Variants in GET4 observed in about 807,000 individuals in gnomAD.
GET4 encodes the protein Golgi to ER traffic protein 4 homolog.
Under a neutral mutation model 40.0 loss-of-function variants are expected in GET4, and 20 were observed. The ratio of observed to expected loss-of-function variants is 0.50; its 90% confidence interval spans 0.35 to 0.73. The LOEUF (loss-of-function observed/expected upper bound fraction) is 0.73. Among genes scored for constraint, GET4 ranks in the 30% least tolerant of loss-of-function variants. The pLI is 0.01. For synonymous variants in GET4, 280 were observed against 194.6 expected (o/e 1.44, Z -3.65); for missense variants, 557 against 454.0 (o/e 1.23, Z -2.06).
chr7:891,184 T>C, intron 5 of GET4, 118 bp downstream of exon 5: 1 of 740,332 alleles, frequency 1.4e-6, no homozygotes, highest in Non-Finnish European at 2.2e-6. Flanking sequence ...GAGTTCACTC[T>C]GGGCAGAGCC....
At chr7:895,226 T>C (rs1844450910) in intron 8 of GET4, 108 bp from the exon 9 acceptor site, 2 of 617,000 alleles carry the variant, frequency 3.2e-6, no homozygotes, top group Non-Finnish European at 5.9e-6. Context: ...GGCTTTTGCT[T>C]GTTCCATGGG....
At chr7:891,247 TAAG>T (rs1287527264) in intron 5 of GET4, among the ~76,000 whole-genome samples, 181 bp downstream of exon 5, 2 of 152,216 alleles carry the variant, frequency 1.3e-5, no homozygotes, top group Admixed American at 6.5e-5. Context: ...TAACCAATGT[TAAG>T]AAGTATTTTA....
At chr7:886,317 G>A in intron 2 of GET4, 183 bp downstream of exon 2, 1 of 610,426 alleles carries the variant, frequency 1.6e-6, no homozygotes, top group South Asian at 1.9e-5. Flanking sequence ...TCAAGACTGG[G>A]GCTCTGCGCT....
rs113562730 is a variant in GET4 at position 892,255 on chromosome 7, C to A, written c.606-23C>A. The stretch of plus-strand genomic sequence containing the variant: ...AAGCTGTGTCCTCCAGCCCTTCCAC[C>A]ACCAGCATGTTCTCATTTCCAGGTT... On this transcript the variant is annotated intron_variant, in intron 5 of 8. Coordinates refer to ENST00000265857, the MANE Select transcript of GET4 (RefSeq NM_015949.3). The A allele has an allele frequency of 1.8e-5, 28 of 1,583,126 alleles. 1 individual carries two copies. In the African/African-American group the frequency reaches 3.6e-4, roughly 20 times the overall value.
At chr7:884,349 G>T in intron 1 of GET4, 1 of 1,303,724 alleles carries the variant, frequency 7.7e-7, no homozygotes, top group Admixed American at 2.3e-5. Flanking sequence ...AGGACGGCCG[G>T]TCACAGAGTC....
chr7:887,478 A>AC lies in GET4; in HGVS notation c.430dup (p.Arg144ProfsTer18). On this transcript the variant is annotated frameshift_variant, in exon 4 of 9. Coordinates refer to ENST00000265857, the MANE Select transcript of GET4 (RefSeq NM_015949.3). LOFTEE classifies it high-confidence loss of function. ...AGTGGGGGCTCCGGGAAGCTGGGCCACCCCCGGCTGCACCAGCTGCTGGCC... is the reference window on the plus strand; with the variant it reads ...AGTGGGGGCTCCGGGAAGCTGGGCCACCCCCCGGCTGCACCAGCTGCTGGCC... 1 of 1,575,442 alleles carries AC rather than the reference A, an allele frequency of 6.3e-7. No individual in the cohort carries two copies. Among genetic ancestry groups the AC allele is most frequent in the Non-Finnish European group, 8.6e-7 (1 of 1,159,648 alleles).
rs765268322 is a variant in GET4, at chr7:886,088, G to A, written c.188G>A (p.Arg63Gln). The A allele has an allele frequency of 4.1e-5, 66 of 1,610,232 alleles. No individual in the cohort carries two copies. Among genetic ancestry groups the A allele is most frequent in the Middle Eastern group, 1.6e-4 (1 of 6,078 alleles). Reference sequence around the variant, plus strand: ...TCCCAGAGCAAGCACACGGAGGCCCGGGAGCTCATGTACTCGGGAGCCCTG... The same window carrying A: ...TCCCAGAGCAAGCACACGGAGGCCCAGGAGCTCATGTACTCGGGAGCCCTG... ...YMSQSKHTEARELMYSGALLF... is the reference protein window; with the variant it reads ...YMSQSKHTEAQELMYSGALLF... The change falls in exon 2 of 9, where the codon CGG becomes CAG. Residue 63 changes from arginine to glutamine, a missense_variant. Coordinates refer to ENST00000265857, the MANE Select transcript of GET4 (RefSeq NM_015949.3).
At chr7:876,945 C>T in intron 1 of GET4, 145 bp downstream of exon 1, 3 of 266,764 alleles carry the variant, frequency 1.1e-5, no homozygotes, top group Non-Finnish European at 1.8e-5. Flanking sequence ...GGTCGCCCGG[C>T]GGAGGGTCTG....
intron 2 of GET4, 25 bp from the exon 3 acceptor site, chr7:886,544 T>A (rs1562894819): frequency 6.4e-7 from 1 of 1,569,868 alleles, no homozygotes; most frequent in Non-Finnish European, 8.8e-7. Flanking sequence ...TGTTCTTGAT[T>A]CTTGTGTGTT....
At chr7:891,217 C>T (rs777711491) in intron 5 of GET4, 151 bp downstream of exon 5, 120 of 604,970 alleles carry the variant, frequency 2.0e-4, no homozygotes, top group Non-Finnish European at 3.0e-4. Context: ...GTCAGCCTGA[C>T]CCATGATTTT....
rs1217602885 is a variant in GET4, at chr7:896,342, G to T, written c.*920G>T. ...TGTAGATTGATACGCAGTTGTGCAT[G>T]GGAAGGGGAAACGCACAGCTTTATT... On this transcript the variant is annotated 3_prime_UTR_variant, in exon 9 of 9. Transcript: ENST00000265857. 6.6e-6 allele frequency: 1 copy of T among 152,212 alleles called. No individual in the cohort carries two copies. Among genetic ancestry groups the T allele is most frequent in the Non-Finnish European group, 1.5e-5 (1 of 68,034 alleles). 9.4% of individuals were successfully genotyped at this position (152,212 alleles called of 1,614,324 possible). A position where few individuals can be genotyped will look rare whatever the true frequency, so the allele number is the denominator to read the frequency against.
Position 886,573 on chromosome 7 carries a change from A to C in GET4, c.239A>C (p.Asn80Thr). The C allele has an allele frequency of 6.2e-7, 1 of 1,611,142 alleles. No homozygotes were observed. The highest frequency in any genetic ancestry group is 8.5e-7 in the Non-Finnish European group (1 of 1,177,836). Reference sequence around the variant, plus strand: ...GTGTGTTGCTTTCTCTTGTAGCAAAACAGTGCAGCAGACTTGTCCATGCTG... The same window carrying C: ...GTGTGTTGCTTTCTCTTGTAGCAAACCAGTGCAGCAGACTTGTCCATGCTG... ...ALLFFSHGQQ[N>T]SAADLSMLVL... The change falls in exon 3 of 9, where the codon AAC (asparagine) becomes ACC (threonine). Residue 80 changes from asparagine (N) to threonine (T), a missense_variant. Coordinates refer to ENST00000265857, the MANE Select transcript of GET4 (RefSeq NM_015949.3).
intron 1 of GET4, among the ~76,000 whole-genome samples, chr7:877,127 C>G (rs1317020454): frequency 6.6e-6 from 1 of 151,794 alleles, no homozygotes; most frequent in African/African-American, 2.4e-5. Flanking sequence ...CTTCCTCTGT[C>G]TCCTCGGCCG....
At chr7:887,866 C>T (rs1262321200) in intron 4 of GET4, among the ~76,000 whole-genome samples, 2 of 152,150 alleles carry the variant, frequency 1.3e-5, no homozygotes, top group Admixed American at 6.5e-5. Context: ...CTGTTTTTCT[C>T]CTTTACGCTG....
rs1342395582 is a variant in GET4, at chr7:895,513, T to C, written c.*91T>C. The C allele has an allele frequency of 3.2e-6, 2 of 634,776 alleles. No individual in the cohort carries two copies. The highest frequency in any genetic ancestry group is 5.6e-6 in the Non-Finnish European group (2 of 358,786). The allele number at this position is 634,776 out of a possible 1,614,324, so 39.3% of individuals were successfully genotyped here. Reference sequence around the variant, plus strand: ...CTGGGTGGCTCCTCGCCTTGGGGGCTCCTGGCCCTGAGGCTGGCGGTGGCC... The same window carrying C: ...CTGGGTGGCTCCTCGCCTTGGGGGCCCCTGGCCCTGAGGCTGGCGGTGGCC... On this transcript the variant is annotated 3_prime_UTR_variant, in exon 9 of 9. Coordinates refer to ENST00000265857, the MANE Select transcript of GET4 (RefSeq NM_015949.3).
chr7:879,871 G>T (rs148390632), intron 1 of GET4: 1 of 152,178 alleles, frequency 6.6e-6, no homozygotes, highest in Non-Finnish European at 1.5e-5. Context: ...TTGTGATAGC[G>T]CCTTCAACCC....
rs1386545316 is a variant in GET4 at position 876,656 on chromosome 7, C to G, written c.11C>G (p.Ala4Gly). 1.6e-6 allele frequency: 2 copies of G among 1,279,724 alleles called. No individual in the cohort carries two copies. The highest frequency in any genetic ancestry group is 7.3e-5 in the East Asian group (2 of 27,362). The allele number at this position is 1,279,724 out of a possible 1,614,324, so 79.3% of individuals were successfully genotyped here. Residue 4 changes from alanine to glycine, a missense_variant, in exon 1 of 9, where the codon GCG becomes GGG. Transcript: ENST00000265857. ...CGGAGCGCCGGCCCGATGGCGGCGG[C>G]GGCGGCGATGGCCGAGCAGGAGAGC... is the stretch of plus-strand genomic sequence containing the variant. MAA[A>G]AAMAEQESAR...
Position 895,658 on chromosome 7 carries a change from T to C in GET4, c.*236T>C. 2.5e-6 allele frequency: 1 copy of C among 401,346 alleles called. No homozygotes were observed. The highest frequency in any genetic ancestry group is 4.5e-6 in the Non-Finnish European group (1 of 221,078). The allele number at this position is 401,346 out of a possible 1,614,324, so 24.9% of individuals were successfully genotyped here. A position where few individuals can be genotyped will look rare whatever the true frequency, so the allele number is the denominator to read the frequency against. ...TGCTGGCCGCCGCGTCCCCCGAGATTGACCCACAATAAAGCACAGGCCTTA... is the reference window on the plus strand; with the variant it reads ...TGCTGGCCGCCGCGTCCCCCGAGATCGACCCACAATAAAGCACAGGCCTTA... On this transcript the variant is annotated 3_prime_UTR_variant, in exon 9 of 9. Transcript: ENST00000265857.
intron 1 of GET4, among the ~76,000 whole-genome samples, chr7:877,551 C>T: frequency 8.1e-6 from 1 of 123,010 alleles, no homozygotes; most frequent in East Asian, 2.4e-4. Context: ...TCTCCCCAGC[C>T]TACCACTGTC....
Sources: allele counts gnomAD v4.1 joint callset (sites outside exome capture counted in the v4.1 genomes callset), GRCh38; gene constraint gnomAD v4.1.1; transcripts MANE v1.5; gene names NCBI Gene and HGNC (gene_info 2026-07-23, HGNC 2026-07-21).